ABCD3: variants seen among roughly 807,000 people sequenced by gnomAD.
ABCD3 encodes the protein ATP binding cassette subfamily D member 3, also known as ATP-binding cassette sub-family D member 3.
ABCD3 carries 41 observed loss-of-function variants against 105.5 expected under a neutral mutation model. The observed-to-expected ratio is 0.39, with a 90% CI of 0.30 to 0.50. The LOEUF is 0.50. Among genes scored for constraint, ABCD3 ranks in the 20% least tolerant of loss-of-function variants. The probability of loss-of-function intolerance (pLI) is 0.84; values close to 1 mark genes in which losing one functional copy is unlikely to be tolerated. For synonymous variants in ABCD3, 258 were observed against 269.0 expected (o/e 0.96, Z 0.40); for missense variants, 622 against 806.3 (o/e 0.77, Z 2.77).
intron 7 of ABCD3, among the ~76,000 whole-genome samples, chr1:94,476,697 A>G (rs1648760414): frequency 6.6e-6 from 1 of 152,216 alleles, no homozygotes; most frequent in Admixed American, 6.5e-5. Flanking sequence ...ATATATATCC[A>G]CAAGAGCTGC....
At chr1:94,435,007 A>C (rs1487226172) in intron 1 of ABCD3, among the ~76,000 whole-genome samples, 2 of 151,994 alleles carry the variant, frequency 1.3e-5, no homozygotes, top group African/African-American at 4.8e-5. Context: ...CTTAACCTAC[A>C]TATCCCCCTG....
intron 1 of ABCD3, among the ~76,000 whole-genome samples, chr1:94,458,162 G>C (rs933647237): frequency 6.6e-6 from 1 of 152,186 alleles, no homozygotes; most frequent in African/African-American, 2.4e-5. Flanking sequence ...TCCTTTAGAA[G>C]ACTAGCCTAG....
intron 2 of ABCD3, among the ~76,000 whole-genome samples, chr1:94,459,788 T>G (rs895483723): frequency 6.6e-6 from 1 of 152,184 alleles, no homozygotes; most frequent in Non-Finnish European, 1.5e-5. Flanking sequence ...CCCCAATCCC[T>G]GGCAACCACA....
the ABCD3 span, among the ~76,000 whole-genome samples, chr1:94,388,236 C>A: frequency 6.6e-6 from 1 of 152,254 alleles, no homozygotes; most frequent in South Asian, 2.1e-4. Flanking sequence ...CTTTGAATTA[C>A]AAGTGAAAGA....
intron 13 of ABCD3, among the ~76,000 whole-genome samples, chr1:94,488,389 C>T (rs1649370621): frequency 6.6e-6 from 1 of 151,472 alleles, no homozygotes. Flanking sequence ...ATGAAGTTGA[C>T]TTTAATGGGA....
At chr1:94,394,265 C>T in the ABCD3 span, among the ~76,000 whole-genome samples, 18 of 152,154 alleles carry the variant, frequency 1.2e-4, no homozygotes, top group African/African-American at 4.3e-4. Context: ...GTATGATAAT[C>T]TGTGAGACAG....
In ABCD3 at chr1:94,433,342, C is replaced by T. The variant is rs528076646; in HGVS notation, c.110+14754C>T. Among the ~76,000 whole-genome samples, 8 of 151,848 alleles carry T rather than the reference C, an allele frequency of 5.3e-5. No individual in the cohort carries two copies. In the South Asian group the frequency reaches 1.0e-3, roughly 20 times the overall value. Reference sequence around the variant, plus strand: ...GCTAATTTGGTATTTTTAGTACAGACGGGATTTCTCCATTTTGGCTAGGCT... The same window carrying T: ...GCTAATTTGGTATTTTTAGTACAGATGGGATTTCTCCATTTTGGCTAGGCT... On this transcript the variant is annotated intron_variant, in intron 1 of 22. Coordinates refer to ENST00000370214, the MANE Select transcript of ABCD3 (RefSeq NM_002858.4).
intron 1 of ABCD3, among the ~76,000 whole-genome samples, chr1:94,457,644 C>T (rs1647643871): frequency 6.6e-6 from 1 of 152,128 alleles, no homozygotes; most frequent in African/African-American, 2.4e-5. Context: ...CTTCCTGGGG[C>T]AGCATGCATT....
the ABCD3 span, among the ~76,000 whole-genome samples, chr1:94,405,737 T>C: frequency 6.6e-6 from 1 of 152,228 alleles, no homozygotes; most frequent in Non-Finnish European, 1.5e-5. Context: ...TCTCTTTTTG[T>C]AAATTGTCTG....
chr1:94,402,074 C>T, the ABCD3 span, among the ~76,000 whole-genome samples: 1 of 152,174 alleles, frequency 6.6e-6, no homozygotes, highest in African/African-American at 2.4e-5. Flanking sequence ...TTATCTGTCT[C>T]CTTTCACTCA....
chr1:94,403,009 T>C, the ABCD3 span, among the ~76,000 whole-genome samples: 172 of 138,302 alleles, frequency 1.2e-3, no homozygotes, highest in African/African-American at 4.5e-3. Context: ...TGTGTCCATG[T>C]GATCTCATTG....
intron 1 of ABCD3, among the ~76,000 whole-genome samples, chr1:94,447,822 A>T (rs758444167): frequency 6.6e-6 from 1 of 152,220 alleles, no homozygotes; most frequent in Non-Finnish European, 1.5e-5. Flanking sequence ...GAAAGTAGCC[A>T]TACGTAGGGA....
chr1:94,485,020 T>C (rs1389077685), intron 10 of ABCD3, among the ~76,000 whole-genome samples: 1 of 152,100 alleles, frequency 6.6e-6, no homozygotes, highest in East Asian at 1.9e-4. Flanking sequence ...TACTCAAGAG[T>C]AGCTATATAT....
At chr1:94,439,689 G>A (rs1660063524) in intron 1 of ABCD3, among the ~76,000 whole-genome samples, 1 of 152,074 alleles carries the variant, frequency 6.6e-6, no homozygotes, top group African/African-American at 2.4e-5. Context: ...TATATAATTT[G>A]TATATTTACT....
At chr1:94,503,540 C>T (rs1243475260) in intron 20 of ABCD3, among the ~76,000 whole-genome samples, 3 of 152,084 alleles carry the variant, frequency 2.0e-5, no homozygotes, top group Non-Finnish European at 2.9e-5. Flanking sequence ...TCTTCTAGTC[C>T]TTCTCTTGTG....
intron 1 of ABCD3, among the ~76,000 whole-genome samples, chr1:94,439,103 A>G (rs1349377161): frequency 6.6e-6 from 1 of 152,230 alleles, no homozygotes; most frequent in Non-Finnish European, 1.5e-5. Context: ...GGAAGAGCTC[A>G]TGGAACAATA....
intron 6 of ABCD3, 150 bp downstream of exon 6, chr1:94,475,390 A>G: frequency 2.7e-6 from 2 of 742,880 alleles, no homozygotes; most frequent in Non-Finnish European, 4.4e-6. Flanking sequence ...CCTTTCAGTT[A>G]TTTGGAATCT....
At chr1:94,508,555 G>T (rs933724187) in intron 21 of ABCD3, among the ~76,000 whole-genome samples, 7 of 150,540 alleles carry the variant, frequency 4.6e-5, no homozygotes, top group Non-Finnish European at 7.4e-5. Flanking sequence ...TGATGGGGAT[G>T]GCATTGAATC....
At chr1:94,430,306 G>T (rs1479946279) in intron 1 of ABCD3, among the ~76,000 whole-genome samples, 2 of 152,160 alleles carry the variant, frequency 1.3e-5, no homozygotes, top group Admixed American at 6.5e-5. Flanking sequence ...ATGCTGAAAT[G>T]AATTAAGACC....
Sources: gnomAD v4.1 joint callset for allele counts (sites outside exome capture counted in the v4.1 genomes callset) on GRCh38, gnomAD v4.1.1 for gene constraint, MANE v1.5 for transcripts, NCBI Gene and HGNC (gene_info 2026-07-23, HGNC 2026-07-21) for gene names.